Variants in CD46 observed in about 807,000 individuals in gnomAD.
CD46 encodes the protein CD46 molecule.
A neutral mutation model predicts 53.3 loss-of-function variants in CD46; 30 were observed. The ratio of observed to expected loss-of-function variants is 0.56; its 90% CI spans 0.42 to 0.76. The LOEUF is 0.76. CD46 is among the 30% of genes least tolerant of loss of function. The probability of loss-of-function intolerance (pLI) is 0.00; values close to 1 mark genes in which losing one functional copy is unlikely to be tolerated. For missense variants in CD46, 409 were observed against 463.0 expected, an observed-to-expected ratio of 0.88 and a Z score of 1.07; for synonymous variants, 142 against 152.0, an observed-to-expected ratio of 0.93 and a Z score of 0.48.
chr1:207,763,737 A>G (rs1185195741), intron 5 of CD46, among the ~76,000 whole-genome samples: 1 of 151,722 alleles, frequency 6.6e-6, no homozygotes, highest in Non-Finnish European at 1.5e-5. Context: ...TAGAGCCTAC[A>G]CAGTTTAGTT....
At position 207,784,964 on chromosome 1, in the gene CD46, G is replaced by C. The variant is rs1044536696; in HGVS notation, c.983-107G>C. 4.5e-6 allele frequency: 4 copies of C among 892,646 alleles called. No individual in the cohort carries two copies. In the African/African-American group the frequency reaches 6.6e-5, roughly 15 times the overall value. The allele number at this position is 892,646 out of a possible 1,614,324, so 55.3% of individuals were successfully genotyped here. On this transcript the variant is annotated intron_variant, in intron 9 of 12. Coordinates refer to ENST00000367042, the MANE Select transcript of CD46 (RefSeq NM_172351.3). ...GGAATTGCGATTCAAGATGAGATTT[G>C]GGTGGGGACACAGCCAAACCATATC...
At chr1:207,765,275 ACTT>A (rs1290364710) in intron 5 of CD46, among the ~76,000 whole-genome samples, 1 of 152,222 alleles carries the variant, frequency 6.6e-6, no homozygotes, top group African/African-American at 2.4e-5. Context: ...TCATGATAAA[ACTT>A]CTCAGCAAAC....
At chr1:207,767,345 G>C (rs1193304566) in intron 6 of CD46, 150 bp downstream of exon 6, 11 of 787,318 alleles carry the variant, frequency 1.4e-5, no homozygotes, top group Non-Finnish European at 2.3e-5. Context: ...TCATTTCTAT[G>C]CCAGATGAAT....
intron 11 of CD46, among the ~76,000 whole-genome samples, chr1:207,786,501 A>G (rs1659284827): frequency 6.6e-6 from 1 of 152,210 alleles, no homozygotes; most frequent in Non-Finnish European, 1.5e-5. Flanking sequence ...GAATCCTGGA[A>G]CACAGACTAA....
At chr1:207,788,377 A>AT (rs1451513806) in intron 11 of CD46, among the ~76,000 whole-genome samples, 1 of 151,072 alleles carries the variant, frequency 6.6e-6, no homozygotes, top group Non-Finnish European at 1.5e-5. Context: ...AAAAAAAAAA[A>AT]AATAGTGGCG....
At chr1:207,787,349 G>A (rs970983197) in intron 11 of CD46, among the ~76,000 whole-genome samples, 1 of 152,194 alleles carries the variant, frequency 6.6e-6, no homozygotes, top group Non-Finnish European at 1.5e-5. Context: ...TAGGATTACA[G>A]GCATGAGCCA....
chr1:207,772,939 C>T (rs1209114215), intron 8 of CD46, among the ~76,000 whole-genome samples: 1 of 152,230 alleles, frequency 6.6e-6, no homozygotes, highest in Non-Finnish European at 1.5e-5. Flanking sequence ...AGGATTCCCT[C>T]TTTTTCTGTT....
chr1:207,759,616 TA>T lies in CD46; in HGVS notation c.390-21del, dbSNP rs375288288. 1,246 of 1,283,970 alleles carry T rather than the reference TA, an allele frequency of 9.7e-4. 13 individuals are homozygous for T. In the African/African-American group the frequency reaches 0.016, roughly 16 times the overall value. The allele number at this position is 1,283,970 out of a possible 1,614,324, so 79.5% of individuals were successfully genotyped here. A position where few individuals can be genotyped will look rare whatever the true frequency, so the allele number is the denominator to read the frequency against. ...TCTTATTAATTGCTATACAAAACAG[TA>T]ACCCTTTCTTTTCTCATTTAGTTAT... On this transcript the variant is annotated intron_variant, in intron 3 of 12. Coordinates refer to ENST00000367042, the MANE Select transcript of CD46 (RefSeq NM_172351.3).
chr1:207,771,571 G>A (rs1276599646), intron 8 of CD46, among the ~76,000 whole-genome samples: 1 of 152,118 alleles, frequency 6.6e-6, no homozygotes, highest in African/African-American at 2.4e-5. Flanking sequence ...GTTAATTTTT[G>A]TATAAGGTGT....
chr1:207,789,293 A>G (rs1234812232), intron 11 of CD46, among the ~76,000 whole-genome samples: 1 of 152,286 alleles, frequency 6.6e-6, no homozygotes, highest in Admixed American at 6.5e-5. Flanking sequence ...AATGGTATTT[A>G]TTATTTTGTA....
Position 207,759,620 on chromosome 1 carries a change from C to T in CD46, c.390-19C>T. The T allele has an allele frequency of 4.6e-6, 6 of 1,315,610 alleles. No individual in the cohort carries two copies. Among genetic ancestry groups the T allele is most frequent in the Admixed American group, 1.7e-5 (1 of 58,718 alleles). The allele number at this position is 1,315,610 out of a possible 1,614,324, so 81.5% of individuals were successfully genotyped here. ...ATTAATTGCTATACAAAACAGTAAC[C>T]CTTTCTTTTCTCATTTAGTTATTAC... On this transcript the variant is annotated intron_variant, in intron 3 of 12. Transcript: ENST00000367042.
At chr1:207,770,243 A>G in intron 7 of CD46, 78 bp from the exon 8 acceptor site, 1 of 1,037,312 alleles carries the variant, frequency 9.6e-7, no homozygotes, top group Non-Finnish European at 1.5e-6. Context: ...AACTTAAAAA[A>G]TCAATATCAA....
intron 12 of CD46, among the ~76,000 whole-genome samples, chr1:207,791,519 A>G (rs1462514182): frequency 6.6e-6 from 1 of 152,216 alleles, no homozygotes; most frequent in Admixed American, 6.5e-5. Context: ...GGTATGCTGG[A>G]CGAAGGGATG....
chr1:207,782,491 C>A (rs1658841943), intron 8 of CD46, among the ~76,000 whole-genome samples: 1 of 152,054 alleles, frequency 6.6e-6, no homozygotes, highest in African/African-American at 2.4e-5. Flanking sequence ...GACACCCTGT[C>A]TTGTTCCTGA....
intron 8 of CD46, among the ~76,000 whole-genome samples, chr1:207,779,366 A>T (rs1451134488): frequency 6.6e-6 from 1 of 152,114 alleles, no homozygotes; most frequent in African/African-American, 2.4e-5. Context: ...TCTTTTCTTA[A>T]AAATGATATT....
At chr1:207,765,027 C>T (rs925618122) in intron 5 of CD46, among the ~76,000 whole-genome samples, 2 of 149,970 alleles carry the variant, frequency 1.3e-5, no homozygotes, top group Non-Finnish European at 3.0e-5. Context: ...TTGATGAACA[C>T]AGGACCAAAA....
intron 12 of CD46, among the ~76,000 whole-genome samples, chr1:207,791,289 A>G (rs866199890): frequency 6.6e-6 from 1 of 152,182 alleles, no homozygotes; most frequent in Admixed American, 6.5e-5. Context: ...ATGTATACCT[A>G]TGATCATTCA....
chr1:207,761,049 G>A, intron 4 of CD46, 200 bp from the exon 5 acceptor site: 1 of 574,004 alleles, frequency 1.7e-6, no homozygotes, highest in South Asian at 2.1e-5. Flanking sequence ...AATGAGATTT[G>A]TTCTGAAAGT....
At chr1:207,782,014 T>C (rs1307050031) in intron 8 of CD46, among the ~76,000 whole-genome samples, 1 of 152,182 alleles carries the variant, frequency 6.6e-6, no homozygotes, top group Non-Finnish European at 1.5e-5. Context: ...TTGCTTTGTA[T>C]AGTATTGACA....
Sources: gnomAD v4.1 joint callset for allele counts (sites outside exome capture counted in the v4.1 genomes callset) on GRCh38, gnomAD v4.1.1 for gene constraint, MANE v1.5 for transcripts, NCBI Gene and HGNC (gene_info 2026-07-23, HGNC 2026-07-21) for gene names.